Variants in ANKS1A observed in about 807,000 individuals in gnomAD.
The protein encoded by ANKS1A is ankyrin repeat and SAM domain-containing protein 1A.
A neutral mutation model predicts 120.3 loss-of-function variants in ANKS1A; 55 were observed. That is an observed-to-expected ratio of 0.46 (90% CI 0.37 to 0.57). The LOEUF is 0.57. Ranked by LOEUF, ANKS1A falls within the 20% of genes least tolerant of loss-of-function variation. ANKS1A has a pLI of 0.00. For synonymous variants in ANKS1A, 590 were observed against 604.7 expected (o/e 0.98, Z 0.36); for missense variants, 1,123 against 1,480.3 (o/e 0.76, Z 3.96).
At chr6:34,954,398 G>A (rs549688193) in intron 1 of ANKS1A, among the ~76,000 whole-genome samples, 6 of 152,162 alleles carry the variant, frequency 3.9e-5, no homozygotes, top group South Asian at 2.1e-4. Flanking sequence ...TTCACATTGC[G>A]GACAAGAAAC....
chr6:34,896,978 AAT>A (rs1347367370), intron 1 of ANKS1A, among the ~76,000 whole-genome samples: 1 of 152,144 alleles, frequency 6.6e-6, no homozygotes, highest in Non-Finnish European at 1.5e-5. Flanking sequence ...AAAAAATAAA[AAT>A]AAAAAATTAG....
At position 34,989,194 on chromosome 6, in the gene ANKS1A, G is replaced by A. The variant is rs893703870; in HGVS notation, c.1210-30G>A. ...AAATTAGATACTTAAAAAAGAGATC[G>A]CAAAATATTTATTTTTTTCTCTTCT... On this transcript the variant is annotated intron_variant, in intron 8 of 23. Transcript: ENST00000360359. 7.5e-6 allele frequency: 12 copies of A among 1,601,754 alleles called. No homozygotes were observed. In the South Asian group the frequency reaches 9.0e-5, roughly 12 times the overall value.
At chr6:34,948,778 T>G (rs1769927110) in intron 1 of ANKS1A, among the ~76,000 whole-genome samples, 1 of 152,188 alleles carries the variant, frequency 6.6e-6, no homozygotes, top group Non-Finnish European at 1.5e-5. Context: ...ATTGTTTTGT[T>G]TATCTGTCCA....
chr6:34,896,454 T>TA (rs59493795), intron 1 of ANKS1A, among the ~76,000 whole-genome samples: 11,751 of 152,198 alleles, frequency 0.077, 653 homozygotes, highest in East Asian at 0.33. Context: ...TTGCTGTACT[T>TA]ACATTTTTGC....
At chr6:34,918,448 C>G (rs371387401) in intron 1 of ANKS1A, among the ~76,000 whole-genome samples, 1 of 152,196 alleles carries the variant, frequency 6.6e-6, no homozygotes, top group Admixed American at 6.5e-5. Flanking sequence ...GCACCTGGCA[C>G]GTGGTATGTG....
At chr6:35,054,220 T>G in intron 12 of ANKS1A, 55 bp downstream of exon 12, 1 of 1,547,298 alleles carries the variant, frequency 6.5e-7, no homozygotes, top group Non-Finnish European at 8.9e-7. Flanking sequence ...GGCTCTTTTC[T>G]GGCTCAGGCT....
chr6:34,956,227 GT>G (rs1184725020), intron 1 of ANKS1A, among the ~76,000 whole-genome samples: 1 of 150,994 alleles, frequency 6.6e-6, no homozygotes, highest in African/African-American at 2.4e-5. Context: ...ACTGATCCTG[GT>G]TTTTGTTTTT....
intron 11 of ANKS1A, among the ~76,000 whole-genome samples, chr6:35,025,690 A>T (rs1774589371): frequency 6.9e-6 from 1 of 144,814 alleles, no homozygotes; most frequent in Non-Finnish European, 1.5e-5. Context: ...TTTCTCATTC[A>T]TTTTTCCTTT....
chr6:34,956,724 G>A (rs1224786235), intron 1 of ANKS1A, among the ~76,000 whole-genome samples: 1 of 152,152 alleles, frequency 6.6e-6, no homozygotes, highest in Non-Finnish European at 1.5e-5. Flanking sequence ...CATCATTCAA[G>A]ATAGAGACTT....
chr6:35,063,100 T>G (rs1776600007), intron 13 of ANKS1A, among the ~76,000 whole-genome samples: 1 of 152,182 alleles, frequency 6.6e-6, no homozygotes, highest in Admixed American at 6.5e-5. Flanking sequence ...AGAAAGGGCC[T>G]TTGATTTAGA....
At chr6:34,920,878 C>A (rs1768401027) in intron 1 of ANKS1A, among the ~76,000 whole-genome samples, 1 of 152,178 alleles carries the variant, frequency 6.6e-6, no homozygotes, top group Non-Finnish European at 1.5e-5. Flanking sequence ...AAGCTGCTGT[C>A]CCAGGGCCTT....
intron 18 of ANKS1A, 59 bp from the exon 19 acceptor site, chr6:35,083,096 G>T: frequency 6.3e-7 from 1 of 1,598,410 alleles, no homozygotes; most frequent in Non-Finnish European, 8.6e-7. Flanking sequence ...AAATTGGTTG[G>T]GTCACCCCTG....
chr6:35,089,382 C>T lies in ANKS1A; in HGVS notation c.*773C>T, dbSNP rs1480564410. The T allele has an allele frequency of 4.4e-5, 43 of 986,634 alleles. No homozygotes were observed. The highest frequency in any genetic ancestry group is 4.9e-5 in the Non-Finnish European group (41 of 830,610). The allele number at this position is 986,634 out of a possible 1,614,324, so 61.1% of individuals were successfully genotyped here. On this transcript the variant is annotated 3_prime_UTR_variant, in exon 24 of 24. Transcript: ENST00000360359. Reference sequence around the variant, plus strand: ...AGAGCGCCAGGCCTCTCCCTGGCCTCTTACCTGTCAGTGATCGGAGCACTG... The same window carrying T: ...AGAGCGCCAGGCCTCTCCCTGGCCTTTTACCTGTCAGTGATCGGAGCACTG...
At chr6:34,913,202 T>G (rs1203672693) in intron 1 of ANKS1A, among the ~76,000 whole-genome samples, 1 of 152,196 alleles carries the variant, frequency 6.6e-6, no homozygotes, top group Non-Finnish European at 1.5e-5. Flanking sequence ...CCCCCCAATA[T>G]AAATAACTAG....
At chr6:34,960,507 C>T (rs1356344115) in intron 1 of ANKS1A, among the ~76,000 whole-genome samples, 10 of 152,106 alleles carry the variant, frequency 6.6e-5, no homozygotes, top group Admixed American at 6.6e-4. Context: ...GGCTCCTTCA[C>T]CAAATAGAGT....
At chr6:35,096,145 T>C (rs915731970), downstream of ANKS1A, among the ~76,000 whole-genome samples, 1 of 152,186 alleles carries the variant, frequency 6.6e-6, no homozygotes, top group Non-Finnish European at 1.5e-5. Context: ...CCCTTTGTGC[T>C]CTCCATCTTC....
chr6:34,893,360 C>T (rs1277505756), intron 1 of ANKS1A, among the ~76,000 whole-genome samples: 1 of 152,136 alleles, frequency 6.6e-6, no homozygotes, highest in African/African-American at 2.4e-5. Context: ...TAGTCTCAAA[C>T]TCCTGGGCTC....
chr6:34,920,574 T>C (rs956607375), intron 1 of ANKS1A, among the ~76,000 whole-genome samples: 3 of 152,168 alleles, frequency 2.0e-5, no homozygotes, highest in African/African-American at 7.2e-5. Context: ...GAATGAAGAA[T>C]GCTATTCATT....
At chr6:34,914,823 C>G (rs1768079672) in intron 1 of ANKS1A, among the ~76,000 whole-genome samples, 1 of 152,120 alleles carries the variant, frequency 6.6e-6, no homozygotes, top group Admixed American at 6.6e-5. Context: ...AGACACAGGC[C>G]TGTTCAAAGG....
Sources: allele counts gnomAD v4.1 joint callset (sites outside exome capture counted in the v4.1 genomes callset), GRCh38; gene constraint gnomAD v4.1.1; transcripts MANE v1.5; gene names NCBI Gene and HGNC (gene_info 2026-07-23, HGNC 2026-07-21).